The following MACF1 variants were observed in gnomAD, a reference collection of about 807,000 sequenced individuals.
MACF1 encodes microtubule-actin cross-linking factor 1.
Under a neutral mutation model 854.8 loss-of-function variants are expected in MACF1, and 193 were observed. The ratio of observed to expected loss-of-function variants is 0.23; its 90% CI spans 0.20 to 0.25. MACF1 has a LOEUF of 0.25. MACF1 is among the 10% of genes least tolerant of loss of function. MACF1 has a pLI of 1.00. For synonymous variants in MACF1, 3,185 were observed against 3,226.7 expected, an observed-to-expected ratio of 0.99 and a Z score of 0.44; for missense variants, 7,722 against 8,929.1, an observed-to-expected ratio of 0.86 and a Z score of 5.45.
chr1:39,470,583 C>G (rs1181009396), intron 97 of MACF1, among the ~76,000 whole-genome samples: 1 of 152,152 alleles, frequency 6.6e-6, no homozygotes, highest in East Asian at 1.9e-4. Context: ...GAGTTCAAAG[C>G]TACAGTGAGC....
chr1:39,184,319 G>T (rs966624787), intron 2 of MACF1, among the ~76,000 whole-genome samples: 2 of 152,152 alleles, frequency 1.3e-5, no homozygotes, highest in African/African-American at 4.8e-5. Context: ...AGCAGGGTCT[G>T]TGTCTTGGAA....
In MACF1 at chr1:39,236,752, C is replaced by T. The variant is rs141723741; in HGVS notation, c.171+5509C>T. Among the ~76,000 whole-genome samples the T allele has an allele frequency of 9.5e-3, 1,440 of 152,194 alleles. 27 individuals are homozygous for T. The highest frequency in any genetic ancestry group is 0.033 in the African/African-American group (1,350 of 41,518). On this transcript the variant is annotated intron_variant, in intron 2 of 100. Coordinates refer to ENST00000564288, the MANE Select transcript of MACF1 (RefSeq NM_001394062.1). The stretch of plus-strand genomic sequence containing the variant: ...TCTCAGCTCACTGCAACCTCTGCCT[C>T]CTGGGTTCAAGCGACTCTCCTGCCT...
chr1:39,348,623 A>C (rs901144318), intron 41 of MACF1, among the ~76,000 whole-genome samples: 3 of 152,154 alleles, frequency 2.0e-5, no homozygotes, highest in Non-Finnish European at 2.9e-5. Context: ...AGGGGGAGAG[A>C]GGGCCAATTT....
At chr1:39,218,052 G>A (rs556062570) in intron 1 of MACF1, among the ~76,000 whole-genome samples, 5 of 151,732 alleles carry the variant, frequency 3.3e-5, no homozygotes, top group African/African-American at 9.7e-5. Flanking sequence ...GCATGGTGGC[G>A]GGTGCTTGTA....
chr1:39,310,787 T>C, intron 25 of MACF1, 44 bp from the exon 26 acceptor site: 1 of 1,549,204 alleles, frequency 6.5e-7, no homozygotes, highest in Non-Finnish European at 8.8e-7. Flanking sequence ...TCTGCTTATC[T>C]CTGATGTCGA....
rs114124548 is a variant in MACF1, at chr1:39,445,032, C to A, written c.19605+197C>A. Among the ~76,000 whole-genome samples the A allele has an allele frequency of 6.5e-3, 990 of 152,284 alleles. 5 individuals are homozygous for A. Among genetic ancestry groups the A allele is most frequent in the Non-Finnish European group, 0.011 (764 of 68,024 alleles). On this transcript the variant is annotated intron_variant, in intron 80 of 100. Transcript: ENST00000564288. ...TGCTTTTATAATTATTCATTCCTTA[C>A]CTGTTAAGACATTACTGCCATTATC...
At chr1:39,325,983 C>T (rs1373880462) in intron 35 of MACF1, among the ~76,000 whole-genome samples, 1 of 151,988 alleles carries the variant, frequency 6.6e-6, no homozygotes, top group Non-Finnish European at 1.5e-5. Flanking sequence ...TACCTAGCAG[C>T]CTTAGTGTAG....
At chr1:39,365,434 A>G (rs918605730) in intron 49 of MACF1, among the ~76,000 whole-genome samples, 1 of 152,164 alleles carries the variant, frequency 6.6e-6, no homozygotes, top group Admixed American at 6.5e-5. Context: ...CTCAAAGGAA[A>G]GACTCATTGG....
chr1:39,468,941 G>A (rs528901545), intron 96 of MACF1, among the ~76,000 whole-genome samples: 1 of 152,316 alleles, frequency 6.6e-6, no homozygotes, highest in South Asian at 2.1e-4. Flanking sequence ...ATTTGGGGAG[G>A]TAGGTCTAGA....
At chr1:39,192,511 CTGGACATAGCATTGT>C (rs1644267746) in intron 2 of MACF1, among the ~76,000 whole-genome samples, 1 of 152,206 alleles carries the variant, frequency 6.6e-6, no homozygotes, top group African/African-American at 2.4e-5. Flanking sequence ...AATGAGCTGA[CTGGACATAGCATTGT>C]TGCCTTCTAT....
chr1:39,419,424 A>G (rs1237328545), intron 58 of MACF1, among the ~76,000 whole-genome samples: 1 of 152,236 alleles, frequency 6.6e-6, no homozygotes, highest in Non-Finnish European at 1.5e-5. Flanking sequence ...GAATGCTGGC[A>G]TGATGCTCAA....
chr1:39,201,852 G>A (rs1644393147), upstream of MACF1, among the ~76,000 whole-genome samples: 1 of 150,572 alleles, frequency 6.6e-6, no homozygotes, highest in South Asian at 2.1e-4. Flanking sequence ...AGGTTCTTTG[G>A]TGTTCCCTGA....
Position 39,310,832 on chromosome 1 carries a change from G to A in MACF1, c.3102G>A (p.Glu1034=), listed in dbSNP as rs1268840793. The change falls in exon 26 of 101, where the codon GAG becomes GAA. Residue 1034 remains glutamate (E), a splice_region_variant and synonymous_variant. Coordinates refer to ENST00000564288, the MANE Select transcript of MACF1 (RefSeq NM_001394062.1). ...FQHLMKSMEN[E]DKEETVAKMY... ...TCTTTTGTGTTTGTTCATTCACAGA[G>A]GACAAAGAGGAGACTGTGGCCAAGA... The A allele has an allele frequency of 1.9e-6, 3 of 1,608,856 alleles. No individual in the cohort carries two copies. The highest frequency in any genetic ancestry group is 2.7e-5 in the African/African-American group (2 of 74,832).
intron 45 of MACF1, 148 bp downstream of exon 45, chr1:39,358,041 A>G: frequency 1.2e-6 from 1 of 832,892 alleles, no homozygotes; most frequent in Non-Finnish European, 1.8e-6. Flanking sequence ...GTCTTCACAA[A>G]CAATGCACAA....
chr1:39,110,774 G>C (rs1242852402), intron 2 of MACF1, among the ~76,000 whole-genome samples: 1 of 152,190 alleles, frequency 6.6e-6, no homozygotes, highest in African/African-American at 2.4e-5. Flanking sequence ...TCTTGGGCTT[G>C]TTGGCAAATG....
In MACF1 at chr1:39,192,269, A is replaced by G. The variant is rs181832136; in HGVS notation, c.221-38913A>G. On this transcript the variant is annotated intron_variant, in intron 2 of 93. Transcript: ENST00000361689. ...GGAAAGCATTACTCACCAGGCACAC[A>G]TAGTGGCCCTGACTGCTGGCAAGTA... Among the ~76,000 whole-genome samples the G allele has an allele frequency of 1.2e-3, 189 of 152,340 alleles. 5 individuals are homozygous for G. In the East Asian group the frequency reaches 0.033, roughly 27 times the overall value.
At chr1:39,108,513 T>TG (rs1301672213) in intron 2 of MACF1, among the ~76,000 whole-genome samples, 1 of 149,020 alleles carries the variant, frequency 6.7e-6, no homozygotes, top group African/African-American at 2.5e-5. Context: ...AGGGTTTTTT[T>TG]TTTTTTTTTT....
At chr1:39,112,252 A>G (rs568687997) in intron 2 of MACF1, among the ~76,000 whole-genome samples, 1 of 151,876 alleles carries the variant, frequency 6.6e-6, no homozygotes, top group African/African-American at 2.4e-5. Context: ...ACGCCCAGCT[A>G]ATTTTTGTAT....
chr1:39,454,457 TG>T (rs746558480), intron 88 of MACF1, among the ~76,000 whole-genome samples: 2 of 152,130 alleles, frequency 1.3e-5, no homozygotes, highest in Non-Finnish European at 2.9e-5. Flanking sequence ...CAGTTGTCAC[TG>T]GGGTAATAGT....
Sources: allele counts gnomAD v4.1 joint callset (sites outside exome capture counted in the v4.1 genomes callset), GRCh38; gene constraint gnomAD v4.1.1; transcripts MANE v1.5; gene names NCBI Gene and HGNC (gene_info 2026-07-23, HGNC 2026-07-21).